CSRNP3: variants seen among roughly 807,000 people sequenced by gnomAD.
CSRNP3 encodes the protein cysteine/serine-rich nuclear protein 3.
In CSRNP3, 12 loss-of-function variants were observed where a neutral mutation model predicts 48.0. That is an observed-to-expected ratio of 0.25 (90% confidence interval 0.16 to 0.41). The LOEUF (loss-of-function observed/expected upper bound fraction) is 0.41. Ranked by LOEUF, CSRNP3 falls within the 10% of genes least tolerant of loss-of-function variation. The probability of loss-of-function intolerance (pLI) is 1.00; values close to 1 mark genes in which losing one functional copy is unlikely to be tolerated. For missense variants in CSRNP3, 580 were observed against 724.4 expected (o/e 0.80, Z 2.29); for synonymous variants, 263 against 269.7 (o/e 0.98, Z 0.24).
chr2:165,575,091 A>T (rs1393471702), intron 3 of CSRNP3, among the ~76,000 whole-genome samples: 1 of 152,102 alleles, frequency 6.6e-6, no homozygotes, highest in Non-Finnish European at 1.5e-5. Context: ...ACTTCCTATG[A>T]CTTTTCCTTT....
intron 6 of CSRNP3, 48 bp downstream of exon 6, chr2:165,676,656 AC>A: frequency 1.3e-6 from 2 of 1,539,672 alleles, no homozygotes; most frequent in Non-Finnish European, 8.9e-7. Flanking sequence ...ATTGTCTACC[AC>A]CCCCTAAGGA....
Position 165,676,403 on chromosome 2 carries a change from A to T in CSRNP3, c.500A>T (p.Glu167Val). 1 of 1,614,034 alleles carries T rather than the reference A, an allele frequency of 6.2e-7. No individual in the cohort carries two copies. Among genetic ancestry groups the T allele is most frequent in the Non-Finnish European group, 8.5e-7 (1 of 1,179,858 alleles). ...SDDDIDLDNT[E>V]VDEYFFLQPL... ...GATGACATTGACCTGGACAACACAG[A>T]GGTAGATGAGTACTTCTTCCTACAA... Residue 167 changes from glutamate to valine, a missense_variant, in exon 6 of 7, where the codon GAG (glutamate) becomes GTG (valine). Glu to Val is a moderately radical substitution (Grantham distance 121). Around this residue, in one of 4 missense-constraint regions of CSRNP3, gnomAD observed 62 missense variants for 66.4 expected, o/e 0.93. Transcript: ENST00000651982.
Position 165,666,475 on chromosome 2 carries a change from AAGAC to A in CSRNP3, c.408+8459_408+8462del, listed in dbSNP as rs1315205740. On this transcript the variant is annotated intron_variant, in intron 5 of 6. Transcript: ENST00000651982. ...GAGGAAAGAGAGAGAGGAAGAAAGAAAGACAGAGAGGAAGGAAGGGAGGAAAGAG... is the reference window on the plus strand; with the variant it reads ...GAGGAAAGAGAGAGAGGAAGAAAGAAAGAGAGGAAGGAAGGGAGGAAAGAG... Among the ~76,000 whole-genome samples, 105 of 43,458 alleles carry A rather than the reference AAGAC, an allele frequency of 2.4e-3. 27 individuals carry two copies. Among genetic ancestry groups the A allele is most frequent in the African/African-American group, 4.7e-3 (80 of 17,190 alleles). The allele number at this position is 43,458 out of a possible 152,430, so 28.5% of individuals were successfully genotyped here.
In CSRNP3 at chr2:165,679,274, T is replaced by A. The variant is rs752538262; in HGVS notation, c.1279T>A (p.Ser427Thr). 1.9e-6 allele frequency: 3 copies of A among 1,613,984 alleles called. No homozygotes were observed. The highest frequency in any genetic ancestry group is 2.5e-6 in the Non-Finnish European group (3 of 1,179,976). ...TCACGAAAGCCATGCAAAGAATGCT[T>A]CTTTTTATGCCAACTCTTCAACTCT... ...AVHESHAKNA[S>T]FYANSSTLYY... Residue 427 changes from serine to threonine, a missense_variant, in exon 7 of 7, where the codon TCT becomes ACT. Physicochemically the swap from Ser to Thr is moderately conservative, Grantham distance 58. Coordinates refer to ENST00000651982, the MANE Select transcript of CSRNP3 (RefSeq NM_001172173.2).
Position 165,482,630 on chromosome 2 carries a change from C to T in CSRNP3, c.-282-12129C>T, listed in dbSNP as rs987347231. Among the ~76,000 whole-genome samples, 4 of 152,142 alleles carry T rather than the reference C, an allele frequency of 2.6e-5. 1 individual carries two copies. The highest frequency in any genetic ancestry group is 4.2e-4 in the South Asian group (2 of 4,818). The stretch of plus-strand genomic sequence containing the variant: ...AAATTCAGATTGAAGCAATTCTTCC[C>T]ATTTACCTTTCAGCCCAAAGGGAGA... On this transcript the variant is annotated intron_variant, in intron 1 of 6. Transcript: ENST00000651982.
chr2:165,483,837 G>A (rs1407982574), intron 1 of CSRNP3, among the ~76,000 whole-genome samples: 4 of 152,126 alleles, frequency 2.6e-5, no homozygotes, highest in African/African-American at 7.2e-5. Context: ...TGTCCCCAAA[G>A]CTCCAGCCCC....
chr2:165,677,728 G>A (rs1687450938), intron 6 of CSRNP3, among the ~76,000 whole-genome samples: 1 of 152,132 alleles, frequency 6.6e-6, no homozygotes, highest in Non-Finnish European at 1.5e-5. Context: ...GACAAGCAGA[G>A]CAAGTTTTTT....
intron 1 of CSRNP3, among the ~76,000 whole-genome samples, chr2:165,470,568 T>C (rs960448733): frequency 1.3e-5 from 2 of 152,062 alleles, no homozygotes; most frequent in Non-Finnish European, 2.9e-5. Context: ...ATAATATCTC[T>C]AGGCAATTTT....
chr2:165,474,335 G>A (rs2105443967), intron 1 of CSRNP3, among the ~76,000 whole-genome samples: 1 of 152,114 alleles, frequency 6.6e-6, no homozygotes, highest in East Asian at 1.9e-4. Flanking sequence ...AAACTCCTGG[G>A]CTCCAATGAT....
rs530485554 is a variant in CSRNP3, at chr2:165,584,208, A to G, written c.-23-10835A>G. Among the ~76,000 whole-genome samples the G allele has an allele frequency of 1.4e-4, 21 of 152,356 alleles. No homozygotes were observed. The East Asian group carries it at 2.7e-3, about 20-fold the overall frequency. ...GACACTCCCAACTCTGAGTCTATTTAGTAAACATTATCAATCTGTTCCCTT... is the reference window on the plus strand; with the variant it reads ...GACACTCCCAACTCTGAGTCTATTTGGTAAACATTATCAATCTGTTCCCTT... On this transcript the variant is annotated intron_variant, in intron 3 of 6. Transcript: ENST00000651982.
At chr2:165,602,086 T>A (rs73029859) in intron 4 of CSRNP3, among the ~76,000 whole-genome samples, 9,887 of 152,128 alleles carry the variant, frequency 0.065, 366 homozygotes, top group Middle Eastern at 0.096. Context: ...AGCAAAGACA[T>A]ATGTCGCAAT....
chr2:165,477,497 T>TATATATATATATATATATATATATATAA (rs1186588607), intron 1 of CSRNP3, among the ~76,000 whole-genome samples: 1 of 119,724 alleles, frequency 8.4e-6, no homozygotes, highest in Non-Finnish European at 1.7e-5. Flanking sequence ...TATATATATA[T>TATATATATATATATATATATATATATAA]AATACAAATA....
rs1686034268 is a variant in CSRNP3, at chr2:165,606,735, T to C, written c.148+11522T>C. On this transcript the variant is annotated intron_variant, in intron 4 of 6. Coordinates refer to ENST00000651982, the MANE Select transcript of CSRNP3 (RefSeq NM_001172173.2). ...AAATTGGAAAATAAGTTGAATTGAA[T>C]AGCCGGATGTACATGTATATGCAGT... Among the ~76,000 whole-genome samples, 3 of 152,280 alleles carry C rather than the reference T, an allele frequency of 2.0e-5. No individual in the cohort carries two copies. The South Asian group carries it at 6.2e-4, about 32-fold the overall frequency.
At chr2:165,655,036 C>G (rs560647548) in intron 4 of CSRNP3, among the ~76,000 whole-genome samples, 2 of 152,276 alleles carry the variant, frequency 1.3e-5, no homozygotes, top group Non-Finnish European at 2.9e-5. Flanking sequence ...TGATATTAAT[C>G]ATAGCAGCCT....
chr2:165,581,829 G>A (rs1263108437), intron 3 of CSRNP3, among the ~76,000 whole-genome samples: 5 of 152,060 alleles, frequency 3.3e-5, no homozygotes, highest in African/African-American at 4.8e-5. Flanking sequence ...GAGCCACTGC[G>A]CCTGGCCCCC....
rs748555069 is a variant in CSRNP3 at position 165,679,332 on chromosome 2, C to T, written c.1337C>T (p.Thr446Ile). Residue 446 changes from threonine to isoleucine, a missense_variant, in exon 7 of 7, where the codon ACT becomes ATT. This residue lies in a region of CSRNP3 where 369 missense variants were observed against 380.8 expected (regional missense o/e 0.97). Coordinates refer to ENST00000651982, the MANE Select transcript of CSRNP3 (RefSeq NM_001172173.2). The stretch of plus-strand genomic sequence containing the variant: ...CAAATAGATAGCCACATTCCAGGAA[C>T]TCCAAATCAGATCTCTGAGAACTAT... ...YYQIDSHIPG[T>I]PNQISENYSE... 6 of 1,613,792 alleles carry T rather than the reference C, an allele frequency of 3.7e-6. No homozygotes were observed. In the Admixed American group the frequency reaches 1.0e-4, roughly 27 times the overall value.
chr2:165,529,243 C>T (rs1306304301), intron 3 of CSRNP3, among the ~76,000 whole-genome samples: 2 of 152,088 alleles, frequency 1.3e-5, no homozygotes, highest in African/African-American at 4.8e-5. Context: ...TTGGGAGGGG[C>T]CAGGGGCGAA....
chr2:165,651,756 A>G (rs1686914386), intron 4 of CSRNP3, among the ~76,000 whole-genome samples: 1 of 151,570 alleles, frequency 6.6e-6, no homozygotes, highest in Admixed American at 6.6e-5. Context: ...CCCGGGTTCA[A>G]GCGATTCTCC....
chr2:165,621,291 CTTTT>C (rs60553994), intron 4 of CSRNP3, among the ~76,000 whole-genome samples: 6 of 134,426 alleles, frequency 4.5e-5, no homozygotes, highest in Admixed American at 7.4e-5. Flanking sequence ...TCCTTCAGTC[CTTTT>C]TTTTTTTTTT....
Sources: allele counts gnomAD v4.1 joint callset (sites outside exome capture counted in the v4.1 genomes callset), GRCh38; gene constraint gnomAD v4.1.1; regional missense constraint gnomAD v4.1.1; transcripts MANE v1.5; gene names NCBI Gene and HGNC (gene_info 2026-07-23, HGNC 2026-07-21).